Variants in MFSD8 observed in about 807,000 individuals in gnomAD.
The protein encoded by MFSD8 is major facilitator superfamily domain-containing protein 8.
Under a neutral mutation model 66.4 loss-of-function variants are expected in MFSD8, and 55 were observed. That is an observed-to-expected ratio of 0.83 (90% CI 0.67 to 1.04). The LOEUF (loss-of-function observed/expected upper bound fraction) is 1.04, where lower values mean the gene tolerates loss of function less well. Among genes scored for constraint, MFSD8 ranks in the 50% least tolerant of loss-of-function variants. MFSD8 has a pLI of 0.00. For missense variants in MFSD8, 550 were observed against 627.6 expected, an observed-to-expected ratio of 0.88 and a Z score of 1.32; for synonymous variants, 202 against 212.8, an observed-to-expected ratio of 0.95 and a Z score of 0.44.
intron 9 of MFSD8, among the ~76,000 whole-genome samples, chr4:127,927,154 G>A (rs1469632199): frequency 2.0e-5 from 3 of 151,016 alleles, no homozygotes; most frequent in Non-Finnish European, 2.9e-5. Context: ...ACAATGCTCC[G>A]TAGGTTAGGT....
intron 2 of MFSD8, among the ~76,000 whole-genome samples, chr4:127,956,163 AC>A (rs1337531049): frequency 6.6e-6 from 1 of 151,680 alleles, no homozygotes; most frequent in South Asian, 2.1e-4. Context: ...GAAATTTTGC[AC>A]ATCTTCAAGA....
Position 127,930,750 on chromosome 4 carries a change from T to C in MFSD8, c.931A>G (p.Ile311Val), listed in dbSNP as rs753930474. 1.5e-5 allele frequency: 24 copies of C among 1,613,558 alleles called. No homozygotes were observed. The highest frequency in any genetic ancestry group is 1.9e-5 in the Non-Finnish European group (22 of 1,179,794). Reference sequence around the variant, plus strand: ...TCAACCCCAAGAGCAGCAAGTATTATGCCATTATATAACACAGCTTGTTCT... The same window carrying C: ...TCAACCCCAAGAGCAGCAAGTATTACGCCATTATATAACACAGCTTGTTCT... ...TQEQAVLYNG[I>V]ILAALGVEAV... The change falls in exon 9 of 12, where the codon ATA becomes GTA. Residue 311 changes from isoleucine to valine, a missense_variant. Transcript: ENST00000641686.
intron 1 of MFSD8, among the ~76,000 whole-genome samples, chr4:127,963,008 T>G (rs1429918538): frequency 2.6e-5 from 4 of 152,340 alleles, no homozygotes; most frequent in African/African-American, 9.6e-5. Context: ...GTAATTATTA[T>G]GTATATTTCA....
At chr4:127,935,939 G>A (rs1738997192) in intron 7 of MFSD8, among the ~76,000 whole-genome samples, 1 of 152,156 alleles carries the variant, frequency 6.6e-6, no homozygotes, top group South Asian at 2.1e-4. Flanking sequence ...ATGGTAGTTT[G>A]TTGTAAATGT....
chr4:127,929,827 G>T (rs535249978), intron 9 of MFSD8, among the ~76,000 whole-genome samples: 134 of 152,270 alleles, frequency 8.8e-4, no homozygotes, highest in Non-Finnish European at 1.6e-3. Context: ...CTAGCATAAA[G>T]AAAAGGTAAA....
chr4:127,939,671 T>C, intron 6 of MFSD8, 182 bp downstream of exon 6: 1 of 477,722 alleles, frequency 2.1e-6, no homozygotes. Context: ...TGTTCTCATT[T>C]ATCAGGTTGT....
At chr4:127,957,239 TG>T (rs1743037456) in intron 2 of MFSD8, among the ~76,000 whole-genome samples, 2 of 152,114 alleles carry the variant, frequency 1.3e-5, no homozygotes, top group Admixed American at 1.3e-4. Context: ...TGCTAGGGCT[TG>T]GGGGATGGGA....
upstream of MFSD8, chr4:127,965,580 C>G (rs1745014368): frequency 4.4e-6 from 1 of 225,818 alleles, no homozygotes; most frequent in Non-Finnish European, 9.1e-6. Flanking sequence ...CCGGCCAGCT[C>G]GATCGCAGGC....
At chr4:127,938,886 G>T (rs1739603350) in intron 6 of MFSD8, 48 bp from the exon 7 acceptor site, 2 of 1,423,978 alleles carry the variant, frequency 1.4e-6, no homozygotes, top group Non-Finnish European at 2.0e-6. Context: ...GCTTAATAGA[G>T]AAGTTGTTTA....
intron 7 of MFSD8, among the ~76,000 whole-genome samples, 185 bp downstream of exon 7, chr4:127,938,598 A>AT (rs1560744854): frequency 8.3e-6 from 1 of 121,088 alleles, no homozygotes; most frequent in East Asian, 3.4e-4. Flanking sequence ...AAAAAAAATA[A>AT]ATAAATAAAT....
rs1312200609 is a variant in MFSD8 at position 127,921,858 on chromosome 4, A to G, written c.1102+2T>C. 1 of 1,614,058 alleles carries G rather than the reference A, an allele frequency of 6.2e-7. No homozygotes were observed. Among genetic ancestry groups the G allele is most frequent in the Admixed American group, 1.7e-5 (1 of 60,008 alleles). ...ACATTATAGAATTATGTATGGCTAT[A>G]CCTTCCCACTGTATTTTGGGAAATT... On this transcript the variant is annotated splice_donor_variant, in intron 10 of 11. Transcript: ENST00000641686. LOFTEE classifies it high-confidence loss of function.
intron 6 of MFSD8, chr4:127,939,604 C>CAAA (rs10553488): frequency 1.2e-3 from 95 of 81,062 alleles, no homozygotes; most frequent in South Asian, 3.7e-3. Context: ...GATCTTGTCT[C>CAAA]AAAAAAAAAA....
intron 3 of MFSD8, among the ~76,000 whole-genome samples, chr4:127,946,479 G>A (rs572488300): frequency 6.6e-6 from 1 of 152,196 alleles, no homozygotes; most frequent in East Asian, 1.9e-4. Context: ...TTAGTGTAAT[G>A]GGTAATAATT....
At position 127,944,007 on chromosome 4, in the gene MFSD8, A is replaced by G; in HGVS notation, c.199-15T>C. The G allele has an allele frequency of 3.7e-6, 6 of 1,614,148 alleles. No individual in the cohort carries two copies. Among genetic ancestry groups the G allele is most frequent in the Non-Finnish European group, 5.1e-6 (6 of 1,180,026 alleles). ...GTCGGATCAATCTGCAGAAAAAGGT[A>G]CAGTGCTTTAAGAATTGTTATCCAA... On this transcript the variant is annotated splice_polypyrimidine_tract_variant and intron_variant, in intron 3 of 11. Coordinates refer to ENST00000641686, the MANE Select transcript of MFSD8 (RefSeq NM_001371596.2).
chr4:127,922,395 G>A (rs913653647), intron 9 of MFSD8, among the ~76,000 whole-genome samples: 7 of 152,258 alleles, frequency 4.6e-5, no homozygotes, highest in East Asian at 1.9e-4. Flanking sequence ...AGGCCAAAGC[G>A]GGAGGACTGC....
chr4:127,938,731 T>C (rs1295580997), intron 7 of MFSD8, 52 bp downstream of exon 7: 1 of 1,470,218 alleles, frequency 6.8e-7, no homozygotes, highest in Non-Finnish European at 9.5e-7. Flanking sequence ...ACAGAATCAT[T>C]AGAAACACTT....
intron 7 of MFSD8, among the ~76,000 whole-genome samples, chr4:127,936,152 T>C (rs1254765595): frequency 1.3e-5 from 2 of 152,132 alleles, no homozygotes; most frequent in Non-Finnish European, 1.5e-5. Flanking sequence ...CCTCACTCTG[T>C]CACCCAGGCT....
intron 7 of MFSD8, among the ~76,000 whole-genome samples, chr4:127,935,035 G>A (rs182079407): frequency 6.6e-6 from 1 of 152,178 alleles, no homozygotes; most frequent in African/African-American, 2.4e-5. Flanking sequence ...TCTTGAGAAG[G>A]AGTTCCTCCT....
chr4:127,927,174 GT>G (rs11335208), intron 9 of MFSD8, among the ~76,000 whole-genome samples: 91,933 of 147,430 alleles, frequency 0.62, 28,537 homozygotes, highest in Middle Eastern at 0.76. Context: ...TGTATTAAAT[GT>G]TTTTTTTTTT....
Sources: allele counts gnomAD v4.1 joint callset (sites outside exome capture counted in the v4.1 genomes callset), GRCh38; gene constraint gnomAD v4.1.1; transcripts MANE v1.5; gene names NCBI Gene and HGNC (gene_info 2026-07-23, HGNC 2026-07-21).